SMYD3: variants seen among roughly 807,000 people sequenced by gnomAD.
SMYD3 encodes SET and MYND domain containing 3, also known as histone-lysine N-methyltransferase SMYD3.
SMYD3 carries 36 observed loss-of-function variants against 57.7 expected under a neutral mutation model. The ratio of observed to expected loss-of-function variants is 0.62; its 90% CI spans 0.48 to 0.82. The LOEUF is 0.82. Ranked by LOEUF, SMYD3 falls within the 40% of genes least tolerant of loss-of-function variation. The pLI, the probability that SMYD3 is intolerant of heterozygous loss-of-function variation, is 0.00. For synonymous variants in SMYD3, 211 were observed against 195.0 expected (o/e 1.08, Z -0.68); for missense variants, 515 against 538.8 (o/e 0.96, Z 0.44).
At chr1:246,267,772 C>T (rs920734893) in intron 5 of SMYD3, among the ~76,000 whole-genome samples, 2 of 152,186 alleles carry the variant, frequency 1.3e-5, no homozygotes, top group Non-Finnish European at 2.9e-5. Context: ...CTGTTGCATG[C>T]TCAACAATAT....
chr1:246,065,353 T>C (rs942140178), intron 5 of SMYD3, among the ~76,000 whole-genome samples: 1 of 152,240 alleles, frequency 6.6e-6, no homozygotes, highest in African/African-American at 2.4e-5. Context: ...CCAGTCAATG[T>C]GCTGCTGAAA....
rs192840231 is a variant in SMYD3, at chr1:245,772,265, T to C, written c.1077-8116A>G. Among the ~76,000 whole-genome samples, 98 of 152,350 alleles carry C rather than the reference T, an allele frequency of 6.4e-4. 1 individual carries two copies. In the Middle Eastern group the frequency reaches 0.014, roughly 21 times the overall value. ...CACAGTGAGATTTTATCTAATGCAA[T>C]GAAATTTTTCTTGCATTTCTTTTAC... On this transcript the variant is annotated intron_variant, in intron 10 of 11. Coordinates refer to ENST00000490107, the MANE Select transcript of SMYD3 (RefSeq NM_001167740.2).
intron 5 of SMYD3, among the ~76,000 whole-genome samples, chr1:246,270,012 T>C (rs949987664): frequency 3.9e-5 from 6 of 152,200 alleles, no homozygotes; most frequent in African/African-American, 7.2e-5. Flanking sequence ...TTTGAACAGA[T>C]TGTCTCTTTT....
chr1:246,421,447 G>A (rs2067141489), intron 1 of SMYD3, among the ~76,000 whole-genome samples: 1 of 151,852 alleles, frequency 6.6e-6, no homozygotes, highest in Non-Finnish European at 1.5e-5. Context: ...AATAGAAAAG[G>A]TGACCTTCAA....
At chr1:245,812,590 C>T (rs921396051) in intron 10 of SMYD3, among the ~76,000 whole-genome samples, 1 of 151,584 alleles carries the variant, frequency 6.6e-6, no homozygotes, top group African/African-American at 2.4e-5. Context: ...GAAAACACAC[C>T]TGGATGCAGG....
At chr1:246,229,455 C>T (rs1264295077) in intron 5 of SMYD3, among the ~76,000 whole-genome samples, 1 of 152,094 alleles carries the variant, frequency 6.6e-6, no homozygotes, top group Non-Finnish European at 1.5e-5. Flanking sequence ...TTAAATTTTG[C>T]AACTCTCTTT....
At chr1:245,891,079 T>A (rs981496120) in intron 8 of SMYD3, among the ~76,000 whole-genome samples, 1 of 152,194 alleles carries the variant, frequency 6.6e-6, no homozygotes, top group African/African-American at 2.4e-5. Flanking sequence ...GGGAAGGTAG[T>A]GGGCAAGGGA....
rs1309250913 is a variant in SMYD3, at chr1:246,412,789, C to T, written c.165-57695G>A. Among the ~76,000 whole-genome samples, 6 of 141,904 alleles carry T rather than the reference C, an allele frequency of 4.2e-5. No individual in the cohort carries two copies. The South Asian group carries it at 1.1e-3, about 26-fold the overall frequency. 93.1% of individuals were successfully genotyped at this position (141,904 alleles called of 152,430 possible). Reference sequence around the variant, plus strand: ...AGGAGAATGGCTTGAACTCGGGAGGCGGAGGTTGCTGTGAGCCGAGATCGC... The same window carrying T: ...AGGAGAATGGCTTGAACTCGGGAGGTGGAGGTTGCTGTGAGCCGAGATCGC... On this transcript the variant is annotated intron_variant, in intron 1 of 11. Coordinates refer to ENST00000490107, the MANE Select transcript of SMYD3 (RefSeq NM_001167740.2).
chr1:245,867,842 G>T (rs2051964735), intron 8 of SMYD3, among the ~76,000 whole-genome samples: 1 of 152,244 alleles, frequency 6.6e-6, no homozygotes, highest in African/African-American at 2.4e-5. Flanking sequence ...GTAGGAGACA[G>T]CAGTTCCAGG....
chr1:246,491,780 A>C (rs1423736842), intron 1 of SMYD3, among the ~76,000 whole-genome samples: 1 of 152,198 alleles, frequency 6.6e-6, no homozygotes, highest in Non-Finnish European at 1.5e-5. Context: ...TGTTGCTCCA[A>C]GCTGGCCAGG....
At chr1:245,796,471 G>C (rs548782310) in intron 10 of SMYD3, among the ~76,000 whole-genome samples, 19 of 152,218 alleles carry the variant, frequency 1.2e-4, no homozygotes, top group African/African-American at 4.3e-4. Flanking sequence ...GTAAAGAACT[G>C]TCTATGATCA....
At chr1:246,320,029 G>A (rs2065220665) in intron 5 of SMYD3, among the ~76,000 whole-genome samples, 2 of 152,006 alleles carry the variant, frequency 1.3e-5, no homozygotes, top group Admixed American at 1.3e-4. Flanking sequence ...CTTGAATATA[G>A]TATCACGATT....
At chr1:246,150,782 T>A (rs1221894569) in intron 5 of SMYD3, among the ~76,000 whole-genome samples, 1 of 152,098 alleles carries the variant, frequency 6.6e-6, no homozygotes, top group Admixed American at 6.5e-5. Context: ...CCTGTCCACA[T>A]TACCACAGTG....
chr1:245,827,588 T>C (rs145841802), intron 10 of SMYD3, among the ~76,000 whole-genome samples: 13 of 150,360 alleles, frequency 8.6e-5, no homozygotes, highest in African/African-American at 3.2e-4. Context: ...CTGAATTCGG[T>C]TGGACACACA....
chr1:246,083,439 G>C (rs2147850328), intron 5 of SMYD3, among the ~76,000 whole-genome samples: 1 of 151,760 alleles, frequency 6.6e-6, no homozygotes, highest in East Asian at 1.9e-4. Context: ...CTATTGTCCT[G>C]CCACATCCCG....
chr1:246,032,411 A>C (rs548237448), intron 5 of SMYD3, among the ~76,000 whole-genome samples: 2 of 152,312 alleles, frequency 1.3e-5, no homozygotes, highest in South Asian at 4.1e-4. Context: ...AATAATTGAT[A>C]GTATCTGCAT....
intron 5 of SMYD3, among the ~76,000 whole-genome samples, chr1:246,112,721 C>T (rs1388426582): frequency 6.6e-6 from 1 of 152,164 alleles, no homozygotes; most frequent in Non-Finnish European, 1.5e-5. Flanking sequence ...ATAGGCTACA[C>T]TAATGTACTT....
At chr1:246,472,605 A>G (rs1477511278) in intron 1 of SMYD3, among the ~76,000 whole-genome samples, 1 of 151,938 alleles carries the variant, frequency 6.6e-6, no homozygotes, top group Admixed American at 6.5e-5. Flanking sequence ...TTAGCTGGGC[A>G]TGCTGGCATG....
chr1:246,051,795 C>T (rs1270872608), intron 5 of SMYD3, among the ~76,000 whole-genome samples: 1 of 152,182 alleles, frequency 6.6e-6, no homozygotes, highest in East Asian at 1.9e-4. Flanking sequence ...ATGGTACTCT[C>T]CCCAAACAAC....
Sources: allele counts gnomAD v4.1 joint callset (sites outside exome capture counted in the v4.1 genomes callset), GRCh38; gene constraint gnomAD v4.1.1; transcripts MANE v1.5; gene names NCBI Gene and HGNC (gene_info 2026-07-23, HGNC 2026-07-21).